COL21A1: variants seen among roughly 807,000 people sequenced by gnomAD.
COL21A1 encodes the protein collagen type XXI alpha 1 chain.
A neutral mutation model predicts 137.9 loss-of-function variants in COL21A1; 149 were observed. The ratio of observed to expected loss-of-function variants is 1.08; its 90% CI spans 0.95 to 1.24. COL21A1 has a LOEUF of 1.24. Among genes scored for constraint, COL21A1 ranks in the 50% most tolerant of loss-of-function variants. The pLI, the probability that COL21A1 is intolerant of heterozygous loss-of-function variation, is 0.00. For missense variants in COL21A1, 1,167 were observed against 1,158.4 expected, an observed-to-expected ratio of 1.01 and a Z score of -0.11; for synonymous variants, 456 against 391.5, an observed-to-expected ratio of 1.16 and a Z score of -1.95.
intron 12 of COL21A1, among the ~76,000 whole-genome samples, chr6:56,129,786 A>G (rs1773373683): frequency 6.6e-6 from 1 of 151,484 alleles, no homozygotes; most frequent in Admixed American, 6.6e-5. Flanking sequence ...ACACCCTAGA[A>G]CGAATTATTC....
At chr6:56,355,670 A>C (rs1765812344) in intron 1 of COL21A1, among the ~76,000 whole-genome samples, 1 of 152,236 alleles carries the variant, frequency 6.6e-6, no homozygotes, top group East Asian at 1.9e-4. Context: ...TGTCTTTCAG[A>C]AACAAGTTTT....
intron 1 of COL21A1, among the ~76,000 whole-genome samples, chr6:56,308,591 T>C (rs1330004772): frequency 6.6e-6 from 1 of 152,216 alleles, no homozygotes; most frequent in Non-Finnish European, 1.5e-5. Context: ...AAATGCAAAG[T>C]TGCTACTCAA....
In COL21A1 at chr6:56,057,917, A is replaced by C. The variant is rs550186604; in HGVS notation, c.2687-73T>G. 4.8e-6 allele frequency: 5 copies of C among 1,035,668 alleles called. No individual in the cohort carries two copies. In the South Asian group the frequency reaches 8.8e-5, roughly 18 times the overall value. 64.2% of individuals were successfully genotyped at this position (1,035,668 alleles called of 1,614,324 possible). On this transcript the variant is annotated intron_variant, in intron 29 of 29. Transcript: ENST00000244728. ...ATAATGAAATAGCCAATTCTGCAAG[A>C]AACTTAAACTGAAAAAAAAAACCTT...
chr6:56,392,083 T>C (rs1240927789), intron 1 of COL21A1, among the ~76,000 whole-genome samples: 2 of 152,040 alleles, frequency 1.3e-5, no homozygotes, highest in Non-Finnish European at 2.9e-5. Context: ...ATAACTCAGA[T>C]GAACATAGAC....
chr6:56,071,473 C>G (rs538664045), intron 20 of COL21A1, among the ~76,000 whole-genome samples: 55 of 151,608 alleles, frequency 3.6e-4, no homozygotes, highest in South Asian at 1.0e-3. Flanking sequence ...TATCACAACC[C>G]AATGTCTGGC....
chr6:56,287,801 G>A (rs565490545), intron 1 of COL21A1, among the ~76,000 whole-genome samples: 2 of 152,192 alleles, frequency 1.3e-5, no homozygotes, highest in Non-Finnish European at 2.9e-5. Flanking sequence ...TAGGCCGTAA[G>A]TAATCACAAG....
intron 1 of COL21A1, among the ~76,000 whole-genome samples, chr6:56,303,338 C>T (rs1160240465): frequency 1.3e-5 from 2 of 152,136 alleles, no homozygotes; most frequent in African/African-American, 4.8e-5. Flanking sequence ...GCCATTTTCA[C>T]GATACTGATT....
chr6:56,088,370 A>C (rs912002497), intron 17 of COL21A1, among the ~76,000 whole-genome samples: 2 of 152,186 alleles, frequency 1.3e-5, no homozygotes, highest in Non-Finnish European at 1.5e-5. Context: ...TCTCAAAAAA[A>C]AATAATTTTG....
intron 17 of COL21A1, among the ~76,000 whole-genome samples, chr6:56,090,413 TA>T (rs1346757520): frequency 6.6e-6 from 1 of 152,204 alleles, no homozygotes; most frequent in African/African-American, 2.4e-5. Flanking sequence ...GATCTGTGAT[TA>T]AACCTGGTGG....
In COL21A1 at chr6:56,057,695, C is replaced by A. The variant is rs753959414; in HGVS notation, c.2836G>T (p.Ala946Ser). 1.2e-6 allele frequency: 2 copies of A among 1,613,108 alleles called. No homozygotes were observed. Among genetic ancestry groups the A allele is most frequent in the East Asian group, 4.5e-5 (2 of 44,760 alleles). The change falls in exon 30 of 30, where the codon GCC (alanine) becomes TCC (serine). Residue 946 changes from alanine to serine, a missense_variant. Coordinates refer to ENST00000244728, the MANE Select transcript of COL21A1 (RefSeq NM_030820.4). ...CCTTTTCTGAACGGATCTCTTCTGGCAATTACACTAAAACATAGTGATGGG... is the reference window on the plus strand; with the variant it reads ...CCTTTTCTGAACGGATCTCTTCTGGAAATTACACTAAAACATAGTGATGGG... ...CDPSLCFSVI[A>S]RRDPFRKGPN...
chr6:56,074,155 T>A, intron 20 of COL21A1, 77 bp downstream of exon 20: 1 of 1,000,890 alleles, frequency 1.0e-6, no homozygotes, highest in Non-Finnish European at 1.5e-6. Context: ...AAGGTAGTAG[T>A]AAAATTTTCA....
At chr6:56,119,940 C>G (rs571975952) in intron 16 of COL21A1, among the ~76,000 whole-genome samples, 2 of 152,192 alleles carry the variant, frequency 1.3e-5, no homozygotes, top group South Asian at 4.2e-4. Flanking sequence ...TCTAAGACCT[C>G]AAACTATGAA....
At chr6:56,151,698 A>G (rs1775334778) in intron 10 of COL21A1, among the ~76,000 whole-genome samples, 1 of 152,204 alleles carries the variant, frequency 6.6e-6, no homozygotes, top group African/African-American at 2.4e-5. Context: ...GGTTGCACAG[A>G]AACAAGTCCA....
intron 12 of COL21A1, among the ~76,000 whole-genome samples, chr6:56,134,141 A>G (rs896361337): frequency 6.6e-6 from 1 of 152,204 alleles, no homozygotes; most frequent in African/African-American, 2.4e-5. Context: ...TCAATGCCAG[A>G]CTGTGAAAGC....
intron 1 of COL21A1, among the ~76,000 whole-genome samples, chr6:56,332,803 AT>A (rs1765260018): frequency 6.6e-6 from 1 of 151,970 alleles, no homozygotes; most frequent in Admixed American, 6.6e-5. Context: ...TTTCTTAACC[AT>A]TTTTATTTCT....
At chr6:56,120,169 C>A (rs1772341382) in intron 16 of COL21A1, among the ~76,000 whole-genome samples, 1 of 151,854 alleles carries the variant, frequency 6.6e-6, no homozygotes, top group Admixed American at 6.6e-5. Context: ...GATTAGTAAC[C>A]AGAAAATACA....
At chr6:56,079,479 T>C (rs1767553053) in intron 17 of COL21A1, among the ~76,000 whole-genome samples, 1 of 151,630 alleles carries the variant, frequency 6.6e-6, no homozygotes, top group African/African-American at 2.4e-5. Context: ...GTTCACATCC[T>C]TTCCCTGGAG....
chr6:56,171,796 A>G (rs570426255), intron 3 of COL21A1, among the ~76,000 whole-genome samples: 33 of 151,880 alleles, frequency 2.2e-4, no homozygotes, highest in Non-Finnish European at 4.3e-4. Context: ...ATATTTTCTT[A>G]AGAATAATCA....
chr6:56,162,187 G>T (rs967017075), intron 9 of COL21A1, among the ~76,000 whole-genome samples: 2 of 152,166 alleles, frequency 1.3e-5, no homozygotes, highest in Non-Finnish European at 2.9e-5. Context: ...TTACATACAG[G>T]TCCATGTTCT....
Sources: allele counts gnomAD v4.1 joint callset (sites outside exome capture counted in the v4.1 genomes callset), GRCh38; gene constraint gnomAD v4.1.1; transcripts MANE v1.5; gene names NCBI Gene and HGNC (gene_info 2026-07-23, HGNC 2026-07-21).